The following CFDP1 variants were observed in gnomAD, a reference collection of about 807,000 sequenced individuals.
The protein encoded by CFDP1 is chromatin remodeling protein CFDP1.
CFDP1 carries 31 observed loss-of-function variants against 40.1 expected under a neutral mutation model. That is an observed-to-expected ratio of 0.77 (90% CI 0.58 to 1.04). CFDP1 has a LOEUF of 1.04. Among genes scored for constraint, CFDP1 ranks in the 50% least tolerant of loss-of-function variants. The pLI is 0.00. For missense variants in CFDP1, 423 were observed against 343.4 expected (o/e 1.23, Z -1.83); for synonymous variants, 167 against 120.0 (o/e 1.39, Z -2.56).
At chr16:75,397,697 T>G (rs1420825930) in intron 4 of CFDP1, among the ~76,000 whole-genome samples, 1 of 151,514 alleles carries the variant, frequency 6.6e-6, no homozygotes, top group Non-Finnish European at 1.5e-5. Context: ...TCCTAGCTAC[T>G]CGGGAGGCTG....
At chr16:75,327,694 A>C (rs1776212715) in intron 5 of CFDP1, among the ~76,000 whole-genome samples, 1 of 152,140 alleles carries the variant, frequency 6.6e-6, no homozygotes, top group Non-Finnish European at 1.5e-5. Flanking sequence ...AGTAGTGAAC[A>C]ATACTGGATA....
At chr16:75,321,675 G>C (rs968408940) in intron 5 of CFDP1, among the ~76,000 whole-genome samples, 5 of 152,140 alleles carry the variant, frequency 3.3e-5, no homozygotes, top group African/African-American at 1.2e-4. Flanking sequence ...CAGAAACTAA[G>C]AACTCATGAC....
intron 5 of CFDP1, among the ~76,000 whole-genome samples, chr16:75,352,603 T>C (rs1000481436): frequency 2.6e-5 from 4 of 152,176 alleles, no homozygotes; most frequent in African/African-American, 7.2e-5. Flanking sequence ...CAGGGACGTT[T>C]ATGTCTTCCT....
At chr16:75,363,204 A>T (rs2078691376) in intron 5 of CFDP1, among the ~76,000 whole-genome samples, 1 of 152,106 alleles carries the variant, frequency 6.6e-6, no homozygotes, top group Non-Finnish European at 1.5e-5. Context: ...GAAAAATGTA[A>T]CAACCAAAGA....
intron 5 of CFDP1, among the ~76,000 whole-genome samples, chr16:75,390,262 A>G (rs1417641434): frequency 2.0e-5 from 3 of 152,136 alleles, no homozygotes; most frequent in Non-Finnish European, 4.4e-5. Flanking sequence ...CAGCCTGATG[A>G]AGACTCTCCT....
chr16:75,413,556 A>C (rs1279140150), intron 2 of CFDP1, among the ~76,000 whole-genome samples: 5 of 102,330 alleles, frequency 4.9e-5, no homozygotes, highest in Non-Finnish European at 1.1e-4. Flanking sequence ...CTGTCTCAAA[A>C]AAAAAAAAAA....
In CFDP1 at chr16:75,339,605, T is replaced by C. The variant is rs980250900; in HGVS notation, c.651-34423A>G. ...TCGGTTACAGGGGAAGGGCAGGATATGCAGGGCTTCTGGACTCTGACTTCC... is the reference window on the plus strand; with the variant it reads ...TCGGTTACAGGGGAAGGGCAGGATACGCAGGGCTTCTGGACTCTGACTTCC... On this transcript the variant is annotated intron_variant, in intron 5 of 6. Coordinates refer to ENST00000283882, the MANE Select transcript of CFDP1 (RefSeq NM_006324.3). Among the ~76,000 whole-genome samples, 5 of 152,256 alleles carry C rather than the reference T, an allele frequency of 3.3e-5. No homozygotes were observed. The East Asian group carries it at 7.7e-4, about 23-fold the overall frequency.
intron 1 of CFDP1, among the ~76,000 whole-genome samples, chr16:75,422,607 C>A (rs759428264): frequency 4.6e-5 from 7 of 151,134 alleles, no homozygotes; most frequent in Non-Finnish European, 7.4e-5. Flanking sequence ...GTTCGTCAGA[C>A]TAGTCTTGAA....
At chr16:75,406,328 G>A (rs2079098726) in intron 4 of CFDP1, among the ~76,000 whole-genome samples, 1 of 152,140 alleles carries the variant, frequency 6.6e-6, no homozygotes, top group South Asian at 2.1e-4. Context: ...AGTGGGCCAT[G>A]AGGGAGCCAC....
intron 1 of CFDP1, among the ~76,000 whole-genome samples, chr16:75,418,392 G>A (rs1241077071): frequency 5.2e-5 from 7 of 135,412 alleles, no homozygotes; most frequent in Admixed American, 3.2e-4. Flanking sequence ...TGCAAGCTCC[G>A]CCTCCCGGGT....
intron 1 of CFDP1, among the ~76,000 whole-genome samples, chr16:75,431,086 T>C (rs957388596): frequency 6.6e-6 from 1 of 151,566 alleles, no homozygotes; most frequent in Non-Finnish European, 1.5e-5. Flanking sequence ...AAACAAGAAG[T>C]GCAGGAAAAG....
intron 5 of CFDP1, among the ~76,000 whole-genome samples, chr16:75,392,733 C>T (rs1047804706): frequency 2.6e-5 from 4 of 152,174 alleles, no homozygotes; most frequent in African/African-American, 9.6e-5. Flanking sequence ...TTTACTCCTA[C>T]TACATGTGAT....
chr16:75,423,022 T>C (rs1276079559), intron 1 of CFDP1, among the ~76,000 whole-genome samples: 1 of 150,042 alleles, frequency 6.7e-6, no homozygotes, highest in East Asian at 1.9e-4. Context: ...GGCTCACGCC[T>C]GTAATCCCAG....
intron 5 of CFDP1, among the ~76,000 whole-genome samples, chr16:75,318,802 G>C (rs1263904528): frequency 6.6e-6 from 1 of 152,102 alleles, no homozygotes; most frequent in African/African-American, 2.4e-5. Flanking sequence ...AAAAATCTGA[G>C]GATATTAACA....
intron 5 of CFDP1, among the ~76,000 whole-genome samples, chr16:75,386,222 C>G (rs1168858288): frequency 6.6e-6 from 1 of 152,034 alleles, no homozygotes. Context: ...TAATTTGAGG[C>G]TAAGAGCAAA....
At chr16:75,343,881 A>G (rs2078543784) in intron 5 of CFDP1, among the ~76,000 whole-genome samples, 1 of 152,198 alleles carries the variant, frequency 6.6e-6, no homozygotes, top group African/African-American at 2.4e-5. Context: ...GGCAATACAT[A>G]AGCATGCGAC....
chr16:75,389,999 TC>T (rs1193341561), intron 5 of CFDP1, among the ~76,000 whole-genome samples: 1 of 152,226 alleles, frequency 6.6e-6, no homozygotes, highest in African/African-American at 2.4e-5. Flanking sequence ...ACGTACATTT[TC>T]ACGTACAACT....
chr16:75,375,361 C>G (rs1234781775), intron 5 of CFDP1, among the ~76,000 whole-genome samples: 1 of 152,118 alleles, frequency 6.6e-6, no homozygotes, highest in African/African-American at 2.4e-5. Flanking sequence ...AAACCAATAA[C>G]AGAATAAAAC....
intron 5 of CFDP1, among the ~76,000 whole-genome samples, chr16:75,318,695 C>CAT (rs1567643938): frequency 2.0e-4 from 31 of 152,078 alleles, no homozygotes; most frequent in Non-Finnish European, 2.8e-4. Flanking sequence ...TGAGCCACTG[C>CAT]GCCCGGCCGG....
Sources: gnomAD v4.1 joint callset for allele counts (sites outside exome capture counted in the v4.1 genomes callset) on GRCh38, gnomAD v4.1.1 for gene constraint, MANE v1.5 for transcripts, NCBI Gene and HGNC (gene_info 2026-07-23, HGNC 2026-07-21) for gene names.